Variants in RECQL4 observed in about 807,000 individuals in gnomAD.
The protein encoded by RECQL4 is RecQ like helicase 4, also known as ATP-dependent DNA helicase Q4.
A neutral mutation model predicts 128.6 loss-of-function variants in RECQL4; 158 were observed. The ratio of observed to expected loss-of-function variants is 1.23; its 90% CI spans 1.08 to 1.40. The LOEUF is 1.40. RECQL4 is among the 40% of genes most tolerant of loss of function. The probability of loss-of-function intolerance (pLI) is 0.00; values close to 1 mark genes in which losing one functional copy is unlikely to be tolerated. For missense variants in RECQL4, 2,293 were observed against 1,649.8 expected, an observed-to-expected ratio of 1.39 and a Z score of -6.75; for synonymous variants, 996 against 678.9, an observed-to-expected ratio of 1.47 and a Z score of -7.26.
chr8:144,513,724 CG>C lies in RECQL4; in HGVS notation c.2059-13del. On this transcript the variant is annotated splice_polypyrimidine_tract_variant and intron_variant, in intron 12 of 20. Coordinates refer to ENST00000617875, the MANE Select transcript of RECQL4 (RefSeq NM_004260.4). The stretch of plus-strand genomic sequence containing the variant: ...AGCGTCAACAGTGCCTGATGAGGAG[CG>C]GTTGGCGTGGGCAGTGGGGAGTGAG... 1 of 1,239,246 alleles carries C rather than the reference CG, an allele frequency of 8.1e-7. No individual in the cohort carries two copies. The highest frequency in any genetic ancestry group is 1.3e-5 in the South Asian group (1 of 76,182). The allele number at this position is 1,239,246 out of a possible 1,614,324, so 76.8% of individuals were successfully genotyped here.
chr8:144,514,274 G>T lies in RECQL4; in HGVS notation c.1793C>A (p.Pro598Gln). 1 of 1,612,028 alleles carries T rather than the reference G, an allele frequency of 6.2e-7. No homozygotes were observed. Among genetic ancestry groups the T allele is most frequent in the South Asian group, 1.1e-5 (1 of 91,078 alleles). The change falls in exon 11 of 21, where the codon CCA becomes CAA. Residue 598 changes from proline to glutamine, a missense_variant. Coordinates refer to ENST00000617875, the MANE Select transcript of RECQL4 (RefSeq NM_004260.4). ...GGLPPAAQLP[P>Q]VAFACIDEAH... is the part of the protein sequence containing the mutation. ...CTCATCAATGCAGGCAAAAGCAACT[G>T]GAGGCAGCTGTGCGGCTGGAGGGAG...
rs755588645 is a variant in RECQL4, at chr8:144,516,612, T to C, written c.507A>G (p.Pro169=). 218 of 1,610,702 alleles carry C rather than the reference T, an allele frequency of 1.4e-4. No individual in the cohort carries two copies. The highest frequency in any genetic ancestry group is 1.7e-4 in the Non-Finnish European group (203 of 1,178,990). Residue 169 remains proline, a synonymous_variant, in exon 5 of 21, where the codon CCA becomes CCG. Transcript: ENST00000617875. ...PPQLPEPQPR[P]GRLQHLQASL... ...ATGCCTGCAGATGCTGGAGCCGGCC[T>C]GGCCTTGGCTGGGGCTCAGGGAGCT... is the stretch of plus-strand genomic sequence containing the variant.
At chr8:144,513,791 C>CGGCGTGGGCG in intron 12 of RECQL4, 79 bp from the exon 13 acceptor site, 1 of 417,876 alleles carries the variant, frequency 2.4e-6, no homozygotes, top group Non-Finnish European at 3.2e-6. Flanking sequence ...GAGGGGTCGG[C>CGGCGTGGGCG]GTGGGGAGTG....
rs1410988413 is a variant in RECQL4, at chr8:144,513,652, A to G, written c.2119T>C (p.Cys707Arg). 5 of 1,574,136 alleles carry G rather than the reference A, an allele frequency of 3.2e-6. No homozygotes were observed. The highest frequency in any genetic ancestry group is 4.7e-5 in the East Asian group (2 of 42,658). The change falls in exon 13 of 21, where the codon TGC becomes CGC. Residue 707 changes from cysteine (C) to arginine (R), a missense_variant. Cys to Arg is a radical substitution (Grantham distance 180). Coordinates refer to ENST00000617875, the MANE Select transcript of RECQL4 (RefSeq NM_004260.4). ...FQNLDSIIIY[C>R]NRREDTERIA... ...CGCTCTGTGTCCTCGCGCCGGTTGCAGTAAATGATAATGGAATCGAGGTTT... is the reference window on the plus strand; with the variant it reads ...CGCTCTGTGTCCTCGCGCCGGTTGCGGTAAATGATAATGGAATCGAGGTTT...
At position 144,512,927 on chromosome 8, in the gene RECQL4, C is replaced by T. The variant is rs1461172672; in HGVS notation, c.2675G>A (p.Gly892Glu). Residue 892 changes from glycine (G) to glutamate (E), a missense_variant, in exon 15 of 21, where the codon GGA (glycine) becomes GAA (glutamate). Gly to Glu is a moderately conservative substitution (Grantham distance 98). Coordinates refer to ENST00000617875, the MANE Select transcript of RECQL4 (RefSeq NM_004260.4). ...ATGGCCCATGCAGACCCTTCTGGGT[C>T]CTGGGGCTGCTTGGTGGCTAAGCTG... Reference protein sequence around the residue: ...AEQLSHQAAPGPRRVCMGHER... With the variant: ...AEQLSHQAAPEPRRVCMGHER... 5 of 1,580,214 alleles carry T rather than the reference C, an allele frequency of 3.2e-6. No individual in the cohort carries two copies. Among genetic ancestry groups the T allele is most frequent in the Non-Finnish European group, 3.4e-6 (4 of 1,163,292 alleles).
At position 144,513,328 on chromosome 8, in the gene RECQL4, C is replaced by T. The variant is rs1060501362; in HGVS notation, c.2353G>A (p.Ala785Thr). The T allele has an allele frequency of 6.2e-7, 1 of 1,603,214 alleles. No individual in the cohort carries two copies. Among genetic ancestry groups the T allele is most frequent in the Non-Finnish European group, 8.5e-7 (1 of 1,179,554 alleles). The change falls in exon 14 of 21, where the codon GCT becomes ACT. Residue 785 changes from alanine to threonine, a missense_variant. Coordinates refer to ENST00000617875, the MANE Select transcript of RECQL4 (RefSeq NM_004260.4). ...GGGGGCAGCCCCAGATGCAGCACAGCCCGCACATCTGGCCGGTCCAGCCCC... is the reference window on the plus strand; with the variant it reads ...GGGGGCAGCCCCAGATGCAGCACAGTCCGCACATCTGGCCGGTCCAGCCCC... ...GMGLDRPDVRAVLHLGLPPSF... is the reference protein window; with the variant it reads ...GMGLDRPDVRTVLHLGLPPSF...
intron 6 of RECQL4, 93 bp from the exon 7 acceptor site, chr8:144,515,550 G>A: frequency 8.9e-6 from 14 of 1,572,022 alleles, no homozygotes; most frequent in Non-Finnish European, 1.2e-5. Flanking sequence ...GGGGTTGGCA[G>A]CAGGCAGTGC....
chr8:144,515,056 C>CA lies in RECQL4; in HGVS notation c.1499dup (p.Val501GlyfsTer39), dbSNP rs1827955599. On this transcript the variant is annotated frameshift_variant, in exon 9 of 21. Transcript: ENST00000617875. LOFTEE classifies it high-confidence loss of function. ...ACTTGCCGGCACCTGTAGGCAGCAC[C>CA]AGCAGCGTGGAGATGCCTGGATGGG... The CA allele has an allele frequency of 6.2e-7, 1 of 1,608,368 alleles. No homozygotes were observed. The highest frequency in any genetic ancestry group is 1.1e-5 in the South Asian group (1 of 90,206).
chr8:144,515,411 A>G lies in RECQL4; in HGVS notation c.1305T>C (p.Pro435=), dbSNP rs1390022569. 4.3e-6 allele frequency: 7 copies of G among 1,612,812 alleles called. No homozygotes were observed. Among genetic ancestry groups the G allele is most frequent in the Non-Finnish European group, 5.9e-6 (7 of 1,179,836 alleles). The change falls in exon 7 of 21, where the codon CCT becomes CCC. Residue 435 remains proline (P), a synonymous_variant. Transcript: ENST00000617875. ...TDAVGPEPLV[P]SPQPVPEVPS... ...GCACCTCAGGTACAGGTTGTGGTGA[A>G]GGAACCAGTGGCTCAGGCCCAACAG...
rs924413586 is a variant in RECQL4 at position 144,517,143 on chromosome 8, G to T, written c.261C>A (p.Thr87=). 5 of 1,611,402 alleles carry T rather than the reference G, an allele frequency of 3.1e-6. No individual in the cohort carries two copies. The Admixed American group carries it at 5.0e-5, about 16-fold the overall frequency. Residue 87 remains threonine, a synonymous_variant, in exon 4 of 21, where the codon ACC becomes ACA. Coordinates refer to ENST00000617875, the MANE Select transcript of RECQL4 (RefSeq NM_004260.4). The part of the protein sequence containing the change: ...CWGPHLNRAA[T]KSPQSTPGRS... Reference sequence around the variant, plus strand: ...GCCCTGGCGTAGACTGTGGACTCTTGGTCGCAGCCCGATTCAGATGGGGCC... The same window carrying T: ...GCCCTGGCGTAGACTGTGGACTCTTTGTCGCAGCCCGATTCAGATGGGGCC...
rs748933048 is a variant in RECQL4 at position 144,513,460 on chromosome 8, C to T, written c.2221G>A (p.Ala741Thr). Residue 741 changes from alanine (A) to threonine (T), a missense_variant, in exon 14 of 21, where the codon GCC becomes ACC. By Grantham distance (58) the Ala-to-Thr change is moderately conservative. Transcript: ENST00000617875. Reference protein sequence around the residue: ...GSGGRAPKTTAEAYHAGMCSR... With the variant: ...GSGGRAPKTTTEAYHAGMCSR... ...CACATGCCCGCGTGGTAGGCCTCGG[C>T]TGTGGTTTTGGGGGCACGACCTTTG... The T allele has an allele frequency of 2.5e-6, 4 of 1,609,848 alleles. No homozygotes were observed. The highest frequency in any genetic ancestry group is 1.1e-5 in the South Asian group (1 of 91,076).
Position 144,515,158 on chromosome 8 carries a change from A to T in RECQL4, c.1475T>A (p.Ile492Asn). The T allele has an allele frequency of 6.4e-7, 1 of 1,565,510 alleles. No homozygotes were observed. The highest frequency in any genetic ancestry group is 8.6e-7 in the Non-Finnish European group (1 of 1,156,132). ...RPGQERAVMR[I>N]LSGISTLLVL... ...CTGGCAGCCACGCTCACCAGACAGG[A>T]TCCGCATGACTGCACGCTCCTGCCC... Residue 492 changes from isoleucine (I) to asparagine (N), a missense_variant, in exon 8 of 21, where the codon ATC (isoleucine) becomes AAC (asparagine). Coordinates refer to ENST00000617875, the MANE Select transcript of RECQL4 (RefSeq NM_004260.4).
chr8:144,514,187 A>C lies in RECQL4; in HGVS notation c.1878+2T>G. 1.9e-6 allele frequency: 3 copies of C among 1,611,998 alleles called. No individual in the cohort carries two copies. Among genetic ancestry groups the C allele is most frequent in the Non-Finnish European group, 2.5e-6 (3 of 1,179,634 alleles). On this transcript the variant is annotated splice_donor_variant, in intron 11 of 20. Transcript: ENST00000617875. LOFTEE classifies it high-confidence loss of function. ...GCCCACCCCAGTTCACATATGGCTC[A>C]CCTTGCAGACGCGCAGGTAGCAGGG...
chr8:144,512,017 C>T lies in RECQL4; in HGVS notation c.3287G>A (p.Arg1096His), dbSNP rs765087683. ...GPCLEQQDEE[R>H]STRLKDLLGR... Reference sequence around the variant, plus strand: ...GAGCAGGTCCTTGAGCCTGGTGCTGCGCTCCTCATCCTGCTGCTCCAGGCA... The same window carrying T: ...GAGCAGGTCCTTGAGCCTGGTGCTGTGCTCCTCATCCTGCTGCTCCAGGCA... Residue 1096 changes from arginine to histidine, a missense_variant, in exon 19 of 21, where the codon CGC becomes CAC. Arg to His is a conservative substitution (Grantham distance 29). Transcript: ENST00000617875. 1.8e-5 allele frequency: 29 copies of T among 1,608,680 alleles called. No individual in the cohort carries two copies. Among genetic ancestry groups the T allele is most frequent in the Admixed American group, 3.4e-5 (2 of 59,516 alleles).
At position 144,515,078 on chromosome 8, in the gene RECQL4, TG is replaced by T. The variant is rs772909792; in HGVS notation, c.1484-7del. The T allele has an allele frequency of 2.5e-6, 4 of 1,603,046 alleles. No homozygotes were observed. In the African/African-American group the frequency reaches 5.4e-5, roughly 21 times the overall value. On this transcript the variant is annotated splice_region_variant and splice_polypyrimidine_tract_variant and intron_variant, in intron 8 of 20. Transcript: ENST00000617875. ...CACCAGCAGCGTGGAGATGCCTGGA[TG>T]GGGCGGGAGTCAGCAGCAGGGTTCT...
rs759124032 is a variant in RECQL4 at position 144,515,018 on chromosome 8, T to C, written c.1538A>G (p.Gln513Arg). The C allele has an allele frequency of 2.5e-5, 40 of 1,610,748 alleles. No individual in the cohort carries two copies. In the Admixed American group the frequency reaches 6.7e-4, roughly 27 times the overall value. The change falls in exon 9 of 21, where the codon CAG (glutamine) becomes CGG (arginine). Residue 513 changes from glutamine to arginine, a missense_variant. Coordinates refer to ENST00000617875, the MANE Select transcript of RECQL4 (RefSeq NM_004260.4). ...CCGGCTGTAGAGCAGCGCTGGGAGCTGGTAGCACAGGGACTTGCCGGCACC... is the reference window on the plus strand; with the variant it reads ...CCGGCTGTAGAGCAGCGCTGGGAGCCGGTAGCACAGGGACTTGCCGGCACC... Reference protein sequence around the residue: ...PTGAGKSLCYQLPALLYSRRS... With the variant: ...PTGAGKSLCYRLPALLYSRRS...
At chr8:144,515,593 A>C in intron 6 of RECQL4, 136 bp from the exon 7 acceptor site, 1 of 1,493,970 alleles carries the variant, frequency 6.7e-7, no homozygotes. Flanking sequence ...CAAAGCAGAA[A>C]AGAGTGACAG....
chr8:144,512,670 G>T lies in RECQL4; in HGVS notation c.2857C>A (p.Pro953Thr). 1 of 1,612,590 alleles carries T rather than the reference G, an allele frequency of 6.2e-7. No homozygotes were observed. The highest frequency in any genetic ancestry group is 1.3e-5 in the African/African-American group (1 of 75,072). Residue 953 changes from proline to threonine, a missense_variant, in exon 16 of 21, where the codon CCT becomes ACT. Physicochemically the swap from Pro to Thr is conservative, Grantham distance 38. Transcript: ENST00000617875. ...THCRLNCPGG[P>T]AQLQALAHRC... is the part of the protein sequence containing the mutation. ...TGGGCCAGGGCCTGGAGCTGGGCAG[G>T]GCCCCCAGGGCAGTTCAGACGGCAA...
At chr8:144,517,377 G>A (rs938847129) in intron 3 of RECQL4, 37 bp downstream of exon 3, 2 of 1,533,074 alleles carry the variant, frequency 1.3e-6, no homozygotes, top group East Asian at 2.4e-5. Context: ...GCCAAACAGG[G>A]AAGTGGGAGG....
Sources: gnomAD v4.1 joint callset for allele counts on GRCh38, gnomAD v4.1.1 for gene constraint, MANE v1.5 for transcripts, NCBI Gene and HGNC (gene_info 2026-07-23, HGNC 2026-07-21) for gene names.